Variants in PXDNL observed in about 807,000 individuals in gnomAD.
PXDNL encodes the protein peroxidasin like.
In PXDNL, 145 loss-of-function variants were observed where a neutral mutation model predicts 150.8. The ratio of observed to expected loss-of-function variants is 0.96; its 90% CI spans 0.84 to 1.10. The LOEUF is 1.10. Among genes scored for constraint, PXDNL ranks in the 50% least tolerant of loss-of-function variants. The pLI is 0.00. For missense variants in PXDNL, 2,087 were observed against 1,873.9 expected, an observed-to-expected ratio of 1.11 and a Z score of -2.10; for synonymous variants, 757 against 725.7, an observed-to-expected ratio of 1.04 and a Z score of -0.69.
intron 1 of PXDNL, among the ~76,000 whole-genome samples, chr8:51,670,959 A>G (rs1211127619): frequency 1.3e-5 from 2 of 152,228 alleles, no homozygotes; most frequent in African/African-American, 4.8e-5. Flanking sequence ...CCATGACTCA[A>G]TATTCTATTG....
chr8:51,606,738 A>G (rs1470553583), intron 2 of PXDNL, among the ~76,000 whole-genome samples: 1 of 151,752 alleles, frequency 6.6e-6, no homozygotes, highest in African/African-American at 2.4e-5. Context: ...TGAAATGATT[A>G]TCATTCTAAT....
At chr8:51,491,241 C>T (rs1810887895) in intron 5 of PXDNL, among the ~76,000 whole-genome samples, 1 of 152,044 alleles carries the variant, frequency 6.6e-6, no homozygotes, top group South Asian at 2.1e-4. Context: ...AGTTAATATC[C>T]CTTAATAAAC....
At chr8:51,415,838 A>C (rs1377137993) in intron 14 of PXDNL, among the ~76,000 whole-genome samples, 1 of 152,162 alleles carries the variant, frequency 6.6e-6, no homozygotes, top group African/African-American at 2.4e-5. Flanking sequence ...GAGTATGGAC[A>C]TAAAAGGTAA....
chr8:51,771,493 C>T (rs1356583423), intron 1 of PXDNL, among the ~76,000 whole-genome samples: 2 of 152,218 alleles, frequency 1.3e-5, no homozygotes, highest in African/African-American at 4.8e-5. Flanking sequence ...TCACGGATGG[C>T]TCCTGACCCT....
At chr8:51,587,221 T>C (rs956589682) in intron 3 of PXDNL, among the ~76,000 whole-genome samples, 2 of 152,154 alleles carry the variant, frequency 1.3e-5, no homozygotes, top group African/African-American at 4.8e-5. Flanking sequence ...ACATTGCAAA[T>C]GCTATTCTTA....
Position 51,408,839 on chromosome 8 carries a change from A to T in PXDNL, c.2785T>A (p.Ser929Thr). The change falls in exon 17 of 23, where the codon TCC (serine) becomes ACC (threonine). Residue 929 changes from serine (S) to threonine (T), a missense_variant. Coordinates refer to ENST00000356297, the MANE Select transcript of PXDNL (RefSeq NM_144651.5). ...GAAAAGGGCAATAAGGGCTTTCCGG[A>T]GGGAGGCCAAGGAAAGCCTGTCTTC... is the stretch of plus-strand genomic sequence containing the variant. Reference protein sequence around the residue: ...LLKTGFPWPPSGKPLLPFSTG... With the variant: ...LLKTGFPWPPTGKPLLPFSTG... 3.8e-6 allele frequency: 6 copies of T among 1,575,034 alleles called. No homozygotes were observed. Among genetic ancestry groups the T allele is most frequent in the Non-Finnish European group, 5.2e-6 (6 of 1,161,526 alleles).
chr8:51,668,996 T>G (rs990224653), intron 1 of PXDNL, among the ~76,000 whole-genome samples: 2 of 152,148 alleles, frequency 1.3e-5, no homozygotes, highest in Non-Finnish European at 2.9e-5. Context: ...TTAATTAAAA[T>G]AAGTATCATT....
chr8:51,453,870 T>C, intron 9 of PXDNL, 85 bp from the exon 10 acceptor site: 1 of 1,442,132 alleles, frequency 6.9e-7, no homozygotes, highest in Non-Finnish European at 9.3e-7. Context: ...TTTAAGATTA[T>C]TGTCATTTTC....
chr8:51,395,973 A>G (rs1808069364), intron 17 of PXDNL, among the ~76,000 whole-genome samples: 1 of 152,216 alleles, frequency 6.6e-6, no homozygotes, highest in Non-Finnish European at 1.5e-5. Flanking sequence ...GTTTTTCTAA[A>G]GGAAGATTAT....
At chr8:51,575,086 T>C (rs1813021453) in intron 3 of PXDNL, among the ~76,000 whole-genome samples, 1 of 152,052 alleles carries the variant, frequency 6.6e-6, no homozygotes, top group African/African-American at 2.4e-5. Context: ...ATTCTCAATG[T>C]ATGTAGAGAA....
At chr8:51,765,359 T>C (rs905766302) in intron 1 of PXDNL, among the ~76,000 whole-genome samples, 2 of 152,182 alleles carry the variant, frequency 1.3e-5, no homozygotes, top group Admixed American at 6.5e-5. Context: ...TAAGACATGC[T>C]TTTCACCTTC....
chr8:51,748,392 A>G (rs1315518216), intron 1 of PXDNL, among the ~76,000 whole-genome samples: 2 of 152,162 alleles, frequency 1.3e-5, no homozygotes, highest in African/African-American at 2.4e-5. Flanking sequence ...GTTCATTGAC[A>G]TGGGCCCTTA....
At chr8:51,804,328 C>T (rs575181873) in intron 1 of PXDNL, among the ~76,000 whole-genome samples, 5 of 152,258 alleles carry the variant, frequency 3.3e-5, no homozygotes, top group South Asian at 2.1e-4. Flanking sequence ...TTGAGTAGAA[C>T]GGGAGGAAGG....
intron 17 of PXDNL, among the ~76,000 whole-genome samples, chr8:51,395,179 A>G (rs998541226): frequency 3.3e-5 from 5 of 152,204 alleles, no homozygotes; most frequent in African/African-American, 1.2e-4. Context: ...CACAGTCACA[A>G]GTGTGCATAA....
At chr8:51,404,092 A>G (rs1481153143) in intron 17 of PXDNL, among the ~76,000 whole-genome samples, 1 of 152,150 alleles carries the variant, frequency 6.6e-6, no homozygotes, top group Admixed American at 6.5e-5. Context: ...TGGTGGGTTC[A>G]TGGTCTCGCT....
At chr8:51,583,388 T>G (rs1303190106) in intron 3 of PXDNL, among the ~76,000 whole-genome samples, 2 of 152,148 alleles carry the variant, frequency 1.3e-5, no homozygotes, top group Non-Finnish European at 2.9e-5. Context: ...TGCATGTTTC[T>G]AGAAATCTCT....
intron 17 of PXDNL, among the ~76,000 whole-genome samples, chr8:51,404,239 C>A (rs374526445): frequency 6.6e-6 from 1 of 152,200 alleles, no homozygotes; most frequent in African/African-American, 2.4e-5. Flanking sequence ...CGAAAGAGAC[C>A]GGAGTGGATT....
chr8:51,494,330 C>G (rs1305742152), intron 5 of PXDNL, among the ~76,000 whole-genome samples: 1 of 151,990 alleles, frequency 6.6e-6, no homozygotes, highest in Admixed American at 6.6e-5. Context: ...AAAAACATGC[C>G]AAATTGTAAA....
intron 7 of PXDNL, among the ~76,000 whole-genome samples, chr8:51,473,274 AACACACACACACAC>A (rs1164131411): frequency 2.1e-4 from 28 of 134,026 alleles, no homozygotes; most frequent in African/African-American, 2.4e-4. Flanking sequence ...GTAGAAAATA[AACACACACACACAC>A]ACACACACAC....
Sources: gnomAD v4.1 joint callset for allele counts (sites outside exome capture counted in the v4.1 genomes callset) on GRCh38, gnomAD v4.1.1 for gene constraint, MANE v1.5 for transcripts, NCBI Gene and HGNC (gene_info 2026-07-23, HGNC 2026-07-21) for gene names.